The following ARID3A variants were observed in gnomAD, a reference collection of about 807,000 sequenced individuals.
ARID3A encodes AT-rich interaction domain 3A, also known as AT-rich interactive domain-containing protein 3A.
Under a neutral mutation model 52.7 loss-of-function variants are expected in ARID3A, and 11 were observed. The observed-to-expected ratio is 0.21, with a 90% CI of 0.13 to 0.35. ARID3A has a LOEUF of 0.35. Ranked by LOEUF, ARID3A falls within the 10% of genes least tolerant of loss-of-function variation. ARID3A has a pLI of 1.00. For missense variants in ARID3A, 721 were observed against 838.5 expected (o/e 0.86, Z 1.73); for synonymous variants, 404 against 359.4 (o/e 1.12, Z -1.40).
intron 3 of ARID3A, among the ~76,000 whole-genome samples, chr19:952,566 C>T (rs1419574709): frequency 1.3e-5 from 2 of 152,066 alleles, no homozygotes; most frequent in African/African-American, 2.4e-5. Flanking sequence ...GCTCAGGGCT[C>T]GGCAGTCCCC....
chr19:943,085 A>T (rs928135224), intron 3 of ARID3A, among the ~76,000 whole-genome samples: 2 of 151,958 alleles, frequency 1.3e-5, no homozygotes, highest in African/African-American at 4.8e-5. Flanking sequence ...CCTCAGCAAC[A>T]GAGTGAGACC....
Position 947,499 on chromosome 19 carries a change from C to A in ARID3A, c.694-12593C>A, listed in dbSNP as rs2037711554. Among the ~76,000 whole-genome samples the A allele has an allele frequency of 1.3e-5, 2 of 152,160 alleles. No individual in the cohort carries two copies. Among genetic ancestry groups the A allele is most frequent in the African/African-American group, 4.8e-5 (2 of 41,450 alleles). The stretch of plus-strand genomic sequence containing the variant: ...CTGGCGGCCGGTCAGCGTCTCCTCC[C>A]TGAGCAAGGGACTCCCCCATCCATG... On this transcript the variant is annotated intron_variant, in intron 3 of 8. Transcript: ENST00000263620. The surrounding 1 kb of genome is among the most constrained non-coding windows in gnomAD (Gnocchi z 6.3).
chr19:942,188 C>T lies in ARID3A; in HGVS notation c.693+9446C>T, dbSNP rs931610198. Among the ~76,000 whole-genome samples the T allele has an allele frequency of 1.7e-4, 26 of 152,276 alleles. No homozygotes were observed. Among genetic ancestry groups the T allele is most frequent in the African/African-American group, 5.1e-4 (21 of 41,578 alleles). Reference sequence around the variant, plus strand: ...GGGGTGCACCCCCACCCTCTCCGACCCCGAGGAGCTGCCGGCAGAGCCCTG... The same window carrying T: ...GGGGTGCACCCCCACCCTCTCCGACTCCGAGGAGCTGCCGGCAGAGCCCTG... On this transcript the variant is annotated intron_variant, in intron 3 of 8. Coordinates refer to ENST00000263620, the MANE Select transcript of ARID3A (RefSeq NM_005224.3). The surrounding 1 kb of genome is among the most constrained non-coding windows in gnomAD (Gnocchi z 8.1).
rs371658844 is a variant in ARID3A at position 960,115 on chromosome 19, C to T, written c.717C>T (p.Pro239=). The T allele has an allele frequency of 2.7e-5, 44 of 1,613,248 alleles. No individual in the cohort carries two copies. The African/African-American group carries it at 4.3e-4, about 16-fold the overall frequency. Residue 239 remains proline (P), a synonymous_variant, in exon 4 of 9, where the codon CCC becomes CCT. Coordinates refer to ENST00000263620, the MANE Select transcript of ARID3A (RefSeq NM_005224.3). This position sits in a 1 kb window ranked among gnomAD's most constrained non-coding sequence, Gnocchi z 4.3. The part of the protein sequence containing the change: ...FKQLYELDGD[P]KRKEFLDDLF... ...AGCTCTACGAACTCGACGGGGACCC[C>T]AAGAGGAAGGAATTCCTGGATGACT...
intron 3 of ARID3A, among the ~76,000 whole-genome samples, chr19:945,364 G>A (rs540940813): frequency 1.3e-4 from 20 of 152,308 alleles, no homozygotes; most frequent in South Asian, 6.2e-4. Flanking sequence ...CCTGTAGAGA[G>A]GGGACGGCGT....
At position 974,397 on chromosome 19, in the gene ARID3A, C is replaced by T. The variant is rs1400113014; in HGVS notation, c.*2332C>T. On this transcript the variant is annotated 3_prime_UTR_variant, in exon 9 of 9. Transcript: ENST00000263620. The stretch of plus-strand genomic sequence containing the variant: ...GTGTCTGTTTGCCTCCAGACACAAT[C>T]GGGCCCCACTCGCAGAACCACCTGG... 3 of 230,066 alleles carry T rather than the reference C, an allele frequency of 1.3e-5. No individual in the cohort carries two copies. The highest frequency in any genetic ancestry group is 1.8e-4 in the South Asian group (1 of 5,508). The allele number at this position is 230,066 out of a possible 1,614,324, so 14.3% of individuals were successfully genotyped here. A position where few individuals can be genotyped will look rare whatever the true frequency, so the allele number is the denominator to read the frequency against.
chr19:946,683 C>G (rs983391431), intron 3 of ARID3A, among the ~76,000 whole-genome samples: 1 of 152,092 alleles, frequency 6.6e-6, no homozygotes, highest in East Asian at 1.9e-4. Context: ...TCAAGTGATC[C>G]GCCTGCCTCG....
At chr19:934,599 C>A (rs1231414393) in intron 3 of ARID3A, among the ~76,000 whole-genome samples, 1 of 152,202 alleles carries the variant, frequency 6.6e-6, no homozygotes, top group Non-Finnish European at 1.5e-5. Context: ...CACCTGCCCC[C>A]TGGGTGTACC....
chr19:951,068 C>T (rs986468695), intron 3 of ARID3A, among the ~76,000 whole-genome samples: 5 of 151,864 alleles, frequency 3.3e-5, no homozygotes, highest in Admixed American at 1.3e-4. Context: ...GTGATCCGCC[C>T]GCCTCAGCCT....
intron 8 of ARID3A, among the ~76,000 whole-genome samples, chr19:971,030 C>A (rs930635517): frequency 6.6e-6 from 1 of 152,212 alleles, no homozygotes; most frequent in African/African-American, 2.4e-5. Flanking sequence ...CTAGGGGTCT[C>A]GCAACCCCAC....
In ARID3A at chr19:932,419, A is replaced by G; in HGVS notation, c.370A>G (p.Lys124Glu). 6.3e-7 allele frequency: 1 copy of G among 1,594,444 alleles called. No individual in the cohort carries two copies. Among genetic ancestry groups the G allele is most frequent in the Non-Finnish European group, 8.5e-7 (1 of 1,175,092 alleles). Residue 124 changes from lysine to glutamate, a missense_variant and splice_region_variant, in exon 3 of 9, where the codon AAG (lysine) becomes GAG (glutamate). Physicochemically the swap from Lys to Glu is moderately conservative, Grantham distance 56. This residue lies in a region of ARID3A where 349 missense variants were observed against 297.3 expected (regional missense o/e 1.17). Coordinates refer to ENST00000263620, the MANE Select transcript of ARID3A (RefSeq NM_005224.3). ...ACTCCTGCCCTCTGCTCACCCCAGG[A>G]AGCCCAAATGGGAGGAGGAGGAGAT... ...FEDMASDEDM[K>E]PKWEEEEMEE...
At chr19:936,740 G>A (rs1044436658) in intron 3 of ARID3A, among the ~76,000 whole-genome samples, 4 of 152,168 alleles carry the variant, frequency 2.6e-5, no homozygotes, top group Non-Finnish European at 5.9e-5. Context: ...TACTTGGGAG[G>A]CTGAGGCAGG....
At chr19:963,649 C>G (rs745663927) in intron 4 of ARID3A, among the ~76,000 whole-genome samples, 13 of 152,290 alleles carry the variant, frequency 8.5e-5, no homozygotes, top group Non-Finnish European at 1.6e-4. Flanking sequence ...CCGCCCTTCC[C>G]CTGCCTAGGC....
chr19:926,409 C>T (rs1031290380), intron 1 of ARID3A, among the ~76,000 whole-genome samples: 5 of 151,690 alleles, frequency 3.3e-5, no homozygotes, highest in African/African-American at 1.2e-4. Context: ...GGATCAATCG[C>T]TCAGGGGCGA....
At chr19:934,989 G>A (rs1207797387) in intron 3 of ARID3A, among the ~76,000 whole-genome samples, 1 of 152,210 alleles carries the variant, frequency 6.6e-6, no homozygotes, top group African/African-American at 2.4e-5. Flanking sequence ...AGACACCTGT[G>A]TTCCCAGTGT....
At position 941,926 on chromosome 19, in the gene ARID3A, C is replaced by T. The variant is rs1045412633; in HGVS notation, c.693+9184C>T. Among the ~76,000 whole-genome samples the T allele has an allele frequency of 6.6e-6, 1 of 152,066 alleles. No individual in the cohort carries two copies. The highest frequency in any genetic ancestry group is 2.4e-5 in the African/African-American group (1 of 41,398). Reference sequence around the variant, plus strand: ...ACGTGTGCCCGTGACAGACGACCTTCCTGTGTGCCTGAGCATTTGGGAGCC... The same window carrying T: ...ACGTGTGCCCGTGACAGACGACCTTTCTGTGTGCCTGAGCATTTGGGAGCC... On this transcript the variant is annotated intron_variant, in intron 3 of 8. Transcript: ENST00000263620. This position sits in a 1 kb window ranked among gnomAD's most constrained non-coding sequence, Gnocchi z 6.9.
At chr19:936,030 T>C (rs2037432484) in intron 3 of ARID3A, among the ~76,000 whole-genome samples, 1 of 152,120 alleles carries the variant, frequency 6.6e-6, no homozygotes, top group African/African-American at 2.4e-5. Flanking sequence ...GACCTTGTGA[T>C]CCGCCTGCCT....
At chr19:933,846 T>TG (rs1555726109) in intron 3 of ARID3A, among the ~76,000 whole-genome samples, 4,751 of 43,018 alleles carry the variant, frequency 0.11, 262 homozygotes, top group East Asian at 0.22. Context: ...GGGGACTCGG[T>TG]GGGGGGGGGG....
At position 964,656 on chromosome 19, in the gene ARID3A, G is replaced by A. The variant is rs546531443; in HGVS notation, c.951-177G>A. On this transcript the variant is annotated intron_variant, in intron 5 of 8. Transcript: ENST00000263620. This position sits in a 1 kb window ranked among gnomAD's most constrained non-coding sequence, Gnocchi z 5.7. ...TTGTGCAATCAGGGGCCATTGCGAGGAACAGCATTGAGATGGAGGGAATGG... is the reference window on the plus strand; with the variant it reads ...TTGTGCAATCAGGGGCCATTGCGAGAAACAGCATTGAGATGGAGGGAATGG... Among the ~76,000 whole-genome samples, 10 of 152,298 alleles carry A rather than the reference G, an allele frequency of 6.6e-5. No homozygotes were observed. The South Asian group carries it at 1.9e-3, about 28-fold the overall frequency.
Sources: gnomAD v4.1 joint callset for allele counts (sites outside exome capture counted in the v4.1 genomes callset) on GRCh38, gnomAD v4.1.1 for gene constraint, gnomAD v4.1.1 regional missense constraint, Gnocchi (gnomAD v3.1) non-coding constraint, MANE v1.5 for transcripts, NCBI Gene and HGNC (gene_info 2026-07-23, HGNC 2026-07-21) for gene names.